Variants in SLC39A11 observed in about 807,000 individuals in gnomAD.
The protein encoded by SLC39A11 is zinc transporter ZIP11.
Under a neutral mutation model 36.1 loss-of-function variants are expected in SLC39A11, and 33 were observed. The ratio of observed to expected loss-of-function variants is 0.91; its 90% CI spans 0.69 to 1.22. The LOEUF (loss-of-function observed/expected upper bound fraction) is 1.22. Among genes scored for constraint, SLC39A11 ranks in the 50% most tolerant of loss-of-function variants. The probability of loss-of-function intolerance (pLI) is 0.00; values close to 1 mark genes in which losing one functional copy is unlikely to be tolerated. For synonymous variants in SLC39A11, 166 were observed against 170.3 expected (o/e 0.97, Z 0.20); for missense variants, 432 against 430.3 (o/e 1.00, Z -0.03).
At chr17:72,901,737 C>T (rs2082402847) in intron 5 of SLC39A11, among the ~76,000 whole-genome samples, 1 of 152,140 alleles carries the variant, frequency 6.6e-6, no homozygotes, top group Admixed American at 6.5e-5. Context: ...AATGGGGTCC[C>T]CTCTAAGATT....
intron 3 of SLC39A11, among the ~76,000 whole-genome samples, chr17:73,078,568 C>G (rs1421777350): frequency 7.9e-5 from 12 of 151,460 alleles, no homozygotes; most frequent in Non-Finnish European, 1.5e-4. Context: ...CTCACTGCAA[C>G]CTCCACCTTC....
intron 6 of SLC39A11, among the ~76,000 whole-genome samples, chr17:72,765,957 G>C (rs1261055741): frequency 1.3e-5 from 2 of 152,144 alleles, no homozygotes; most frequent in South Asian, 2.1e-4. Context: ...ATCTACAGTC[G>C]GCGGATAGAG....
chr17:72,914,067 C>A (rs2083189491), intron 5 of SLC39A11, among the ~76,000 whole-genome samples: 2 of 150,042 alleles, frequency 1.3e-5, no homozygotes, highest in Admixed American at 6.7e-5. Context: ...GTAATCCCAG[C>A]ACTTTGGGAG....
At chr17:72,760,191 T>C (rs2075523766) in intron 6 of SLC39A11, among the ~76,000 whole-genome samples, 1 of 152,172 alleles carries the variant, frequency 6.6e-6, no homozygotes, top group African/African-American at 2.4e-5. Context: ...CATGCCTGGC[T>C]AATTTTTGTA....
At chr17:72,700,223 T>C (rs1386849821) in intron 7 of SLC39A11, among the ~76,000 whole-genome samples, 2 of 152,238 alleles carry the variant, frequency 1.3e-5, no homozygotes, top group Non-Finnish European at 2.9e-5. Flanking sequence ...TTCTACTGCA[T>C]TCTACCAGGA....
chr17:72,866,799 A>G lies in SLC39A11; in HGVS notation c.431-16995T>C, dbSNP rs2080325189. Among the ~76,000 whole-genome samples the G allele has an allele frequency of 2.0e-5, 3 of 152,196 alleles. No individual in the cohort carries two copies. In the South Asian group the frequency reaches 6.2e-4, roughly 31 times the overall value. ...GAAATGGACATTTCTATTAACCTAC[A>G]CATTTAAATGCAATTTGATTTTTCT... On this transcript the variant is annotated intron_variant, in intron 5 of 9. Coordinates refer to ENST00000255559, the MANE Select transcript of SLC39A11 (RefSeq NM_139177.4).
At chr17:72,995,874 G>C (rs1483532557) in intron 4 of SLC39A11, among the ~76,000 whole-genome samples, 1 of 152,024 alleles carries the variant, frequency 6.6e-6, no homozygotes, top group African/African-American at 2.4e-5. Context: ...AATGAATCCT[G>C]ACTAATATAC....
chr17:72,945,005 G>A lies in SLC39A11; in HGVS notation c.430+2747C>T, dbSNP rs933406230. Among the ~76,000 whole-genome samples the A allele has an allele frequency of 9.9e-5, 15 of 151,374 alleles. No homozygotes were observed. In the East Asian group the frequency reaches 1.2e-3, roughly 12 times the overall value. On this transcript the variant is annotated intron_variant, in intron 5 of 9. Transcript: ENST00000255559. ...GGTGGAAGAAAAATTACTTTTAACC[G>A]ATGTCATTATATTTTTAATTAAAAG...
At chr17:72,987,827 C>T (rs1215693233) in intron 4 of SLC39A11, among the ~76,000 whole-genome samples, 1 of 152,122 alleles carries the variant, frequency 6.6e-6, no homozygotes, top group East Asian at 1.9e-4. Flanking sequence ...CCAAAAATGA[C>T]ACCACTTAAA....
chr17:72,737,986 G>T (rs2074506340), intron 6 of SLC39A11, among the ~76,000 whole-genome samples: 1 of 152,018 alleles, frequency 6.6e-6, no homozygotes, highest in Non-Finnish European at 1.5e-5. Context: ...ACCACCACCA[G>T]CATGCATTTT....
At chr17:72,890,499 G>A (rs1410949502) in intron 5 of SLC39A11, among the ~76,000 whole-genome samples, 1 of 152,164 alleles carries the variant, frequency 6.6e-6, no homozygotes, top group African/African-American at 2.4e-5. Context: ...TTCCTGGCTT[G>A]AGTGACTGAG....
At chr17:72,804,645 T>C (rs1240420320) in intron 6 of SLC39A11, among the ~76,000 whole-genome samples, 1 of 152,180 alleles carries the variant, frequency 6.6e-6, no homozygotes, top group Non-Finnish European at 1.5e-5. Context: ...CCGTTTCTGG[T>C]CCTGTCTCTG....
intron 5 of SLC39A11, among the ~76,000 whole-genome samples, chr17:72,940,019 T>C (rs2147588270): frequency 6.6e-6 from 1 of 152,306 alleles, no homozygotes; most frequent in South Asian, 2.1e-4. Context: ...TGGGAGCATT[T>C]CAGATCTTGG....
intron 6 of SLC39A11, among the ~76,000 whole-genome samples, chr17:72,815,555 T>G (rs2077555255): frequency 6.6e-6 from 1 of 150,714 alleles, no homozygotes. Context: ...AGGTGGAGGT[T>G]GCAGTGAGCC....
chr17:73,067,827 G>C, intron 3 of SLC39A11: 1 of 1,552,444 alleles, frequency 6.4e-7, no homozygotes, highest in Non-Finnish European at 8.9e-7. Context: ...TCTCTTCTGT[G>C]AAAATCCATT....
At chr17:72,941,002 G>A (rs113019530) in intron 5 of SLC39A11, among the ~76,000 whole-genome samples, 5 of 152,298 alleles carry the variant, frequency 3.3e-5, no homozygotes, top group East Asian at 1.9e-4. Context: ...TTGGGACACC[G>A]ACAGGCACAG....
At chr17:72,744,134 C>T (rs2074831896) in intron 6 of SLC39A11, among the ~76,000 whole-genome samples, 1 of 152,168 alleles carries the variant, frequency 6.6e-6, no homozygotes, top group Admixed American at 6.5e-5. Flanking sequence ...TAAACCCAGG[C>T]TCAAATCTTA....
At chr17:72,785,427 T>C (rs566571622) in intron 6 of SLC39A11, among the ~76,000 whole-genome samples, 3 of 152,118 alleles carry the variant, frequency 2.0e-5, no homozygotes, top group East Asian at 1.9e-4. Flanking sequence ...GAAGAAGATA[T>C]TGAGGAAAGG....
chr17:72,668,317 A>T (rs78995058), intron 7 of SLC39A11, among the ~76,000 whole-genome samples: 1 of 151,706 alleles, frequency 6.6e-6, no homozygotes, highest in South Asian at 2.1e-4. Context: ...AAAAAAAAAA[A>T]TTCCCTAGCT....
Sources: gnomAD v4.1 joint callset for allele counts (sites outside exome capture counted in the v4.1 genomes callset) on GRCh38, gnomAD v4.1.1 for gene constraint, MANE v1.5 for transcripts, NCBI Gene and HGNC (gene_info 2026-07-23, HGNC 2026-07-21) for gene names.